TM2D2: variants seen among roughly 807,000 people sequenced by gnomAD.
The protein encoded by TM2D2 is TM2 domain-containing protein 2.
Under a neutral mutation model 23.0 loss-of-function variants are expected in TM2D2, and 19 were observed. The ratio of observed to expected loss-of-function variants is 0.82; its 90% CI spans 0.58 to 1.21. The LOEUF is 1.21. Among genes scored for constraint, TM2D2 ranks in the 50% most tolerant of loss-of-function variants. The pLI, the probability that TM2D2 is intolerant of heterozygous loss-of-function variation, is 0.00. For synonymous variants in TM2D2, 120 were observed against 108.8 expected (o/e 1.10, Z -0.64); for missense variants, 246 against 265.4 (o/e 0.93, Z 0.51).
chr8:38,996,517 C>A (rs1419488645), upstream of TM2D2: 18 of 1,571,230 alleles, frequency 1.1e-5, no homozygotes, highest in Admixed American at 3.6e-5. Context: ...ACTGCGTGGT[C>A]AGGCCTTTCC....
At position 38,988,988 on chromosome 8, in the gene TM2D2, T is replaced by TA. The variant is rs1189223833; in HGVS notation, c.*2343dup. On this transcript the variant is annotated 3_prime_UTR_variant, in exon 4 of 4. Transcript: ENST00000456397. Reference sequence around the variant, plus strand: ...ACCAAAATTTAAGAAACAACCTGAATAAAGTGCAAAGGCAATCAATTGTTA... The same window carrying TA: ...ACCAAAATTTAAGAAACAACCTGAATAAAAGTGCAAAGGCAATCAATTGTTA... 1 of 152,234 alleles carries TA rather than the reference T, an allele frequency of 6.6e-6. No individual in the cohort carries two copies. The highest frequency in any genetic ancestry group is 2.4e-5 in the African/African-American group (1 of 41,466). The allele number at this position is 152,234 out of a possible 1,614,324, so 9.4% of individuals were successfully genotyped here.
intron 2 of TM2D2, 144 bp from the exon 3 acceptor site, chr8:38,993,804 G>T: frequency 1.9e-6 from 1 of 520,660 alleles, no homozygotes; most frequent in Non-Finnish European, 3.4e-6. Context: ...GTGCTCAAGG[G>T]CAAGGAATTT....
At chr8:38,996,709 T>C, upstream of TM2D2, 1 of 1,419,074 alleles carries the variant, frequency 7.0e-7, no homozygotes, top group Non-Finnish European at 9.2e-7. Flanking sequence ...GCCGAATGCG[T>C]TCTCCAATCG....
At position 38,991,386 on chromosome 8, in the gene TM2D2, T is replaced by C; in HGVS notation, c.591A>G (p.Leu197=). ...GIWWFVDLIL[L]ITGGLMPSDG... Reference sequence around the variant, plus strand: ...CACTTGGCATCAGCCCTCCAGTAATTAGCAAAATAAGGTCAACAAACCACC... The same window carrying C: ...CACTTGGCATCAGCCCTCCAGTAATCAGCAAAATAAGGTCAACAAACCACC... The change falls in exon 4 of 4, where the codon CTA becomes CTG. Residue 197 remains leucine, a synonymous_variant. Coordinates refer to ENST00000456397, the MANE Select transcript of TM2D2 (RefSeq NM_078473.3). The C allele has an allele frequency of 6.2e-7, 1 of 1,614,036 alleles. No homozygotes were observed. The highest frequency in any genetic ancestry group is 8.5e-7 in the Non-Finnish European group (1 of 1,180,012).
rs773329759 is a variant in TM2D2, at chr8:38,995,409, T to C, written c.228-4A>G. 10 of 1,612,668 alleles carry C rather than the reference T, an allele frequency of 6.2e-6. No homozygotes were observed. Among genetic ancestry groups the C allele is most frequent in the Non-Finnish European group, 8.5e-6 (10 of 1,179,544 alleles). Reference sequence around the variant, plus strand: ...ACATTCTATAAATTCATCAGGTCTGTAATTCACCAGTAAGATCATGATCAT... The same window carrying C: ...ACATTCTATAAATTCATCAGGTCTGCAATTCACCAGTAAGATCATGATCAT... On this transcript the variant is annotated splice_region_variant and splice_polypyrimidine_tract_variant and intron_variant, in intron 1 of 3. Coordinates refer to ENST00000456397, the MANE Select transcript of TM2D2 (RefSeq NM_078473.3).
In TM2D2 at chr8:38,990,800, G is replaced by A. The variant is rs1245608271; in HGVS notation, c.*532C>T. The A allele has an allele frequency of 1.3e-5, 2 of 158,196 alleles. No homozygotes were observed. The highest frequency in any genetic ancestry group is 2.8e-5 in the Non-Finnish European group (2 of 71,742). 9.8% of individuals were successfully genotyped at this position (158,196 alleles called of 1,614,324 possible). A position where few individuals can be genotyped will look rare whatever the true frequency, so the allele number is the denominator to read the frequency against. ...TCCCCCTACTGAAAATACTCATACA[G>A]TACTCCAAGTTGGTAAAATTTATTC... On this transcript the variant is annotated 3_prime_UTR_variant, in exon 4 of 4. Transcript: ENST00000456397.
At chr8:38,996,918 CCG>C, upstream of TM2D2, 1 of 1,440,402 alleles carries the variant, frequency 6.9e-7, no homozygotes, top group East Asian at 2.5e-5. Context: ...TGCGTCAGTG[CCG>C]CGCGCGTGCT....
At position 38,995,332 on chromosome 8, in the gene TM2D2, A is replaced by G; in HGVS notation, c.301T>C (p.Tyr101His). The G allele has an allele frequency of 6.3e-7, 1 of 1,598,556 alleles. No individual in the cohort carries two copies. Among genetic ancestry groups the G allele is most frequent in the Non-Finnish European group, 8.5e-7 (1 of 1,174,654 alleles). ...GNATASQELGYGCLKFGGQAY... is the reference protein window; with the variant it reads ...GNATASQELGHGCLKFGGQAY... ...CAAAAACTCACCTTGAGACAACCAT[A>G]ACCAAGTTCCTGGGATGCAGTTGCA... is the stretch of plus-strand genomic sequence containing the variant. The change falls in exon 2 of 4, where the codon TAT becomes CAT. Residue 101 changes from tyrosine to histidine, a missense_variant. Around this residue, in one of 2 missense-constraint regions of TM2D2, gnomAD observed 212 missense variants for 202.2 expected, o/e 1.05. Transcript: ENST00000456397.
In TM2D2 at chr8:38,995,328, C is replaced by T; in HGVS notation, c.305G>A (p.Gly102Asp). 3 of 1,596,784 alleles carry T rather than the reference C, an allele frequency of 1.9e-6. No homozygotes were observed. The highest frequency in any genetic ancestry group is 2.6e-6 in the Non-Finnish European group (3 of 1,173,874). The stretch of plus-strand genomic sequence containing the variant: ...AAAACAAAAACTCACCTTGAGACAA[C>T]CATAACCAAGTTCCTGGGATGCAGT... ...NATASQELGY[G>D]CLKFGGQAYS... Residue 102 changes from glycine (G) to aspartate (D), a missense_variant, in exon 2 of 4, where the codon GGT (glycine) becomes GAT (aspartate). Coordinates refer to ENST00000456397, the MANE Select transcript of TM2D2 (RefSeq NM_078473.3).
In TM2D2 at chr8:38,991,210, T is replaced by A. The variant is rs1470539511; in HGVS notation, c.*122A>T. 7.0e-6 allele frequency: 6 copies of A among 857,318 alleles called. No individual in the cohort carries two copies. The highest frequency in any genetic ancestry group is 1.1e-5 in the Non-Finnish European group (6 of 553,348). 53.1% of individuals were successfully genotyped at this position (857,318 alleles called of 1,614,324 possible). ...AAAGAAGCCTTCTTAACCAAACAAA[T>A]GCCCTCCAAAAGAAGGAAAATAACA... is the stretch of plus-strand genomic sequence containing the variant. On this transcript the variant is annotated 3_prime_UTR_variant, in exon 4 of 4. Coordinates refer to ENST00000456397, the MANE Select transcript of TM2D2 (RefSeq NM_078473.3).
chr8:38,992,214 C>G (rs1177480858), intron 3 of TM2D2, among the ~76,000 whole-genome samples: 2 of 149,598 alleles, frequency 1.3e-5, no homozygotes, highest in African/African-American at 2.5e-5. Context: ...GCCTATAATC[C>G]CGGCACTTTG....
chr8:38,993,427 G>T, intron 3 of TM2D2, 118 bp downstream of exon 3: 1 of 662,036 alleles, frequency 1.5e-6, no homozygotes, highest in Non-Finnish European at 2.4e-6. Flanking sequence ...CTGCACTCCA[G>T]CCTGGGTAAC....
At chr8:38,994,140 A>G (rs1835687023) in intron 2 of TM2D2, 1 of 152,254 alleles carries the variant, frequency 6.6e-6, no homozygotes, top group African/African-American at 2.4e-5. Context: ...GAATAGAATT[A>G]GGAAAGAACT....
At chr8:38,991,883 G>C (rs939794698) in intron 3 of TM2D2, among the ~76,000 whole-genome samples, 1 of 152,148 alleles carries the variant, frequency 6.6e-6, no homozygotes, top group Non-Finnish European at 1.5e-5. Flanking sequence ...AGGGCAGGGC[G>C]AATAGTTTAG....
At chr8:38,996,746 T>A (rs1323376870), upstream of TM2D2, 5 of 1,411,606 alleles carry the variant, frequency 3.5e-6, no homozygotes, top group South Asian at 4.5e-5. Context: ...TAGGTGGGCG[T>A]GCCCGGCAGC....
At chr8:38,992,010 G>C (rs1000984841) in intron 3 of TM2D2, among the ~76,000 whole-genome samples, 2 of 152,130 alleles carry the variant, frequency 1.3e-5, no homozygotes, top group African/African-American at 2.4e-5. Flanking sequence ...GGGGTGTACA[G>C]GCCAGAAACA....
At chr8:38,996,866 A>C, upstream of TM2D2, 2 of 1,467,244 alleles carry the variant, frequency 1.4e-6, no homozygotes, top group Non-Finnish European at 1.8e-6. Context: ...ACGTCAGCGC[A>C]GCTAGGCGAT....
At chr8:38,992,303 CAAAAAAAAAAAA>C (rs11332696) in intron 3 of TM2D2, among the ~76,000 whole-genome samples, 1 of 47,392 alleles carries the variant, frequency 2.1e-5, no homozygotes, top group Non-Finnish European at 3.5e-5. Flanking sequence ...CTGTTTCTAC[CAAAAAAAAAAAA>C]AAAAAAAAAA....
In TM2D2 at chr8:38,991,473, G is replaced by A; in HGVS notation, c.504C>T (p.Phe168=). Residue 168 remains phenylalanine (F), a synonymous_variant, in exon 4 of 4, where the codon TTC becomes TTT. Transcript: ENST00000456397. ...FFLGCFGVDR[F]CLGHTGTAVG... is the part of the protein sequence containing the mutation. The stretch of plus-strand genomic sequence containing the variant: ...CTGCAGTGCCAGTGTGTCCCAAACA[G>A]AATCGATCCACACCAAAACATCCCA... The A allele has an allele frequency of 6.2e-7, 1 of 1,613,874 alleles. No homozygotes were observed. The highest frequency in any genetic ancestry group is 8.5e-7 in the Non-Finnish European group (1 of 1,179,974).
Sources: gnomAD v4.1 joint callset for allele counts (sites outside exome capture counted in the v4.1 genomes callset) on GRCh38, gnomAD v4.1.1 for gene constraint, gnomAD v4.1.1 regional missense constraint, MANE v1.5 for transcripts, NCBI Gene and HGNC (gene_info 2026-07-23, HGNC 2026-07-21) for gene names.